The following PDE7B variants were observed in gnomAD, a reference collection of about 807,000 sequenced individuals.
PDE7B encodes the protein 3',5'-cyclic-AMP phosphodiesterase 7B.
In PDE7B, 29 loss-of-function variants were observed where a neutral mutation model predicts 56.2. The observed-to-expected ratio is 0.52, with a 90% CI of 0.38 to 0.70. The LOEUF (loss-of-function observed/expected upper bound fraction) is 0.70. Among genes scored for constraint, PDE7B ranks in the 30% least tolerant of loss-of-function variants. The pLI, the probability that PDE7B is intolerant of heterozygous loss-of-function variation, is 0.00. For synonymous variants in PDE7B, 197 were observed against 196.9 expected, an observed-to-expected ratio of 1.00 and a Z score of 0.00; for missense variants, 490 against 565.0, an observed-to-expected ratio of 0.87 and a Z score of 1.35.
At chr6:136,052,625 C>CG (rs1417269511) in intron 2 of PDE7B, among the ~76,000 whole-genome samples, 5 of 147,342 alleles carry the variant, frequency 3.4e-5, no homozygotes, top group Non-Finnish European at 3.0e-5. Flanking sequence ...CAGCCCCCCC[C>CG]CACCCACAGC....
At chr6:136,042,961 G>A (rs116797788) in intron 2 of PDE7B, among the ~76,000 whole-genome samples, 8 of 152,302 alleles carry the variant, frequency 5.3e-5, no homozygotes, top group African/African-American at 1.7e-4. Flanking sequence ...GCACTTGTTA[G>A]TTTAAACCTG....
chr6:135,866,218 T>G (rs964855687), intron 1 of PDE7B, among the ~76,000 whole-genome samples: 2 of 152,166 alleles, frequency 1.3e-5, no homozygotes, highest in Non-Finnish European at 2.9e-5. Context: ...TTGTTTAGAA[T>G]TTTTTAATAT....
chr6:135,940,333 G>GC (rs1774487379), intron 1 of PDE7B, among the ~76,000 whole-genome samples: 1 of 152,218 alleles, frequency 6.6e-6, no homozygotes, highest in African/African-American at 2.4e-5. Flanking sequence ...CATTGAAAGT[G>GC]CCCATAGCCT....
At chr6:136,038,229 ACAGCAGCAG>A (rs749880317) in intron 2 of PDE7B, 4 of 1,294,110 alleles carry the variant, frequency 3.1e-6, no homozygotes, top group Non-Finnish European at 4.0e-6. Flanking sequence ...AGCAGCAGCA[ACAGCAGCAG>A]CAGCAGCAGC....
At chr6:135,978,781 A>G (rs1191277578) in intron 2 of PDE7B, among the ~76,000 whole-genome samples, 1 of 152,082 alleles carries the variant, frequency 6.6e-6, no homozygotes, top group African/African-American at 2.4e-5. Context: ...TTTTGGGCTG[A>G]GACAATGGGG....
intron 1 of PDE7B, among the ~76,000 whole-genome samples, chr6:135,943,939 C>T (rs1452091694): frequency 1.3e-5 from 2 of 152,320 alleles, no homozygotes; most frequent in East Asian, 3.9e-4. Context: ...GATCCAGCCC[C>T]TTGGATGAGT....
chr6:135,989,543 G>A (rs1439428877), intron 2 of PDE7B, among the ~76,000 whole-genome samples: 1 of 152,140 alleles, frequency 6.6e-6, no homozygotes, highest in Non-Finnish European at 1.5e-5. Context: ...GAACCCAGGA[G>A]GCAGAGGTTG....
intron 2 of PDE7B, among the ~76,000 whole-genome samples, chr6:136,084,669 T>A (rs1777260238): frequency 6.6e-6 from 1 of 152,194 alleles, no homozygotes; most frequent in African/African-American, 2.4e-5. Context: ...TTATAAGTAT[T>A]AGGTGTAAAA....
At chr6:136,114,381 C>T (rs1777798505) in intron 3 of PDE7B, among the ~76,000 whole-genome samples, 1 of 152,112 alleles carries the variant, frequency 6.6e-6, no homozygotes. Context: ...TACCCTGCAG[C>T]CATTCTTTCT....
At chr6:135,915,634 A>G (rs1294826249) in intron 1 of PDE7B, among the ~76,000 whole-genome samples, 2 of 152,130 alleles carry the variant, frequency 1.3e-5, no homozygotes, top group African/African-American at 4.8e-5. Context: ...CGCACCCCTT[A>G]TGTAACACAC....
chr6:136,102,660 G>T (rs1018780874), intron 2 of PDE7B, among the ~76,000 whole-genome samples: 1 of 152,058 alleles, frequency 6.6e-6, no homozygotes, highest in Non-Finnish European at 1.5e-5. Context: ...ACTGCTTCTT[G>T]TTCAGTATCT....
intron 2 of PDE7B, among the ~76,000 whole-genome samples, chr6:136,082,745 T>C (rs1298590366): frequency 6.6e-6 from 1 of 152,200 alleles, no homozygotes; most frequent in Non-Finnish European, 1.5e-5. Flanking sequence ...AGGAAAATCA[T>C]ACCGGAAGTT....
At chr6:136,113,832 C>G (rs528975425) in intron 3 of PDE7B, among the ~76,000 whole-genome samples, 2 of 152,264 alleles carry the variant, frequency 1.3e-5, no homozygotes, top group South Asian at 4.1e-4. Context: ...CCAGCAGCCC[C>G]GTCTACAGCT....
intron 2 of PDE7B, among the ~76,000 whole-genome samples, chr6:136,033,106 G>T (rs899317746): frequency 1.3e-5 from 2 of 152,194 alleles, no homozygotes; most frequent in African/African-American, 4.8e-5. Flanking sequence ...TCCTAGAAAG[G>T]CTATAGTCAG....
chr6:135,926,892 A>C (rs1396980183), intron 1 of PDE7B, among the ~76,000 whole-genome samples: 1 of 152,206 alleles, frequency 6.6e-6, no homozygotes, highest in Non-Finnish European at 1.5e-5. Context: ...TGACTCATAA[A>C]GATTCCGCAT....
At chr6:135,915,585 T>C (rs1187969871) in intron 1 of PDE7B, among the ~76,000 whole-genome samples, 2 of 152,168 alleles carry the variant, frequency 1.3e-5, no homozygotes, top group African/African-American at 2.4e-5. Context: ...TACTGTACAA[T>C]GTTCTCATGT....
chr6:136,056,334 G>A (rs1342963223), intron 2 of PDE7B, among the ~76,000 whole-genome samples: 3 of 152,078 alleles, frequency 2.0e-5, no homozygotes, highest in Non-Finnish European at 4.4e-5. Flanking sequence ...TATTTATAAC[G>A]GTGATATGAC....
intron 1 of PDE7B, among the ~76,000 whole-genome samples, chr6:135,884,525 C>G (rs1775667239): frequency 6.6e-6 from 1 of 152,154 alleles, no homozygotes; most frequent in Non-Finnish European, 1.5e-5. Flanking sequence ...CTTGAAATCT[C>G]TATCCTGGTC....
chr6:136,039,136 G>T (rs1402390468), intron 2 of PDE7B, among the ~76,000 whole-genome samples: 3 of 152,068 alleles, frequency 2.0e-5, no homozygotes, highest in African/African-American at 7.2e-5. Context: ...TGGAAATAAT[G>T]ATTCCCAGGG....
Sources: allele counts gnomAD v4.1 joint callset (sites outside exome capture counted in the v4.1 genomes callset), GRCh38; gene constraint gnomAD v4.1.1; transcripts MANE v1.5; gene names NCBI Gene and HGNC (gene_info 2026-07-23, HGNC 2026-07-21).